GAD1: variants seen among roughly 807,000 people sequenced by gnomAD.
The protein encoded by GAD1 is glutamate decarboxylase 1.
Under a neutral mutation model 75.2 loss-of-function variants are expected in GAD1, and 35 were observed. The observed-to-expected ratio is 0.47, with a 90% CI of 0.36 to 0.62. GAD1 has a LOEUF of 0.62. Among genes scored for constraint, GAD1 ranks in the 20% least tolerant of loss-of-function variants. GAD1 has a pLI of 0.00. For synonymous variants in GAD1, 257 were observed against 271.9 expected (o/e 0.95, Z 0.54); for missense variants, 490 against 758.5 (o/e 0.65, Z 4.16).
In GAD1 at chr2:170,836,987, T is replaced by C. The variant is rs570592495; in HGVS notation, c.638+104T>C. On this transcript the variant is annotated intron_variant, in intron 6 of 16. Transcript: ENST00000358196. ...TTCTATTTTATTAAAGTTTCCCTGG[T>C]CATTTTTTCTCTTAAAATCTTTAGG... The C allele has an allele frequency of 4.1e-4, 317 of 768,758 alleles. 3 individuals are homozygous for C. The highest frequency in any genetic ancestry group is 3.1e-3 in the South Asian group (200 of 65,262). 47.6% of individuals were successfully genotyped at this position (768,758 alleles called of 1,614,324 possible).
intron 14 of GAD1, among the ~76,000 whole-genome samples, chr2:170,855,613 G>A (rs1282297262): frequency 6.6e-6 from 1 of 151,450 alleles, no homozygotes; most frequent in Non-Finnish European, 1.5e-5. Context: ...GGTGGCTCAC[G>A]CATGTAATCC....
chr2:170,851,821 C>T (rs1034764432), intron 12 of GAD1, among the ~76,000 whole-genome samples: 3 of 152,172 alleles, frequency 2.0e-5, no homozygotes, highest in Admixed American at 1.3e-4. Flanking sequence ...CAGAATGATG[C>T]AGTTGCTAGG....
In GAD1 at chr2:170,820,258, C is replaced by T. The variant is rs3791876; in HGVS notation, c.82+1585C>T. Among the ~76,000 whole-genome samples the T allele has an allele frequency of 0.021, 3,253 of 152,198 alleles. 241 individuals carry two copies. In the East Asian group the frequency reaches 0.28, roughly 13 times the overall value. On this transcript the variant is annotated intron_variant, in intron 2 of 16. Transcript: ENST00000358196. ...GGAATTCCCGGTGGCCGCCAGTCGC[C>T]GGCGCAAATGCCAAGTCACCGGTAG...
At chr2:170,828,026 C>G (rs1702064528) in intron 3 of GAD1, among the ~76,000 whole-genome samples, 1 of 151,806 alleles carries the variant, frequency 6.6e-6, no homozygotes, top group African/African-American at 2.4e-5. Flanking sequence ...TTGGACCTCA[C>G]TACTTCTCCT....
intron 2 of GAD1, among the ~76,000 whole-genome samples, chr2:170,820,169 G>A (rs1701829854): frequency 2.0e-5 from 3 of 152,142 alleles, no homozygotes. Flanking sequence ...TTGCCGCCTG[G>A]GGGTGGGGGT....
chr2:170,854,501 C>T (rs1050496174), intron 14 of GAD1, among the ~76,000 whole-genome samples: 1 of 150,212 alleles, frequency 6.7e-6, no homozygotes, highest in East Asian at 2.0e-4. Flanking sequence ...CCCAGGTTCA[C>T]GCCATTCTCC....
At chr2:170,849,518 A>T (rs1047498605) in intron 12 of GAD1, among the ~76,000 whole-genome samples, 168 bp downstream of exon 12, 1 of 152,186 alleles carries the variant, frequency 6.6e-6, no homozygotes, top group African/African-American at 2.4e-5. Context: ...CTGATTTCCC[A>T]GTCAAATGAG....
intron 12 of GAD1, among the ~76,000 whole-genome samples, chr2:170,850,621 C>T (rs943857124): frequency 6.6e-6 from 1 of 152,214 alleles, no homozygotes; most frequent in African/African-American, 2.4e-5. Context: ...CTTTTGTTAC[C>T]TCTACTGTGC....
At chr2:170,832,420 C>A (rs184101763) in intron 5 of GAD1, among the ~76,000 whole-genome samples, 22 of 152,244 alleles carry the variant, frequency 1.4e-4, no homozygotes, top group African/African-American at 4.1e-4. Flanking sequence ...TTTCTCTCTC[C>A]TTATAAGAAT....
chr2:170,859,938 A>T lies in GAD1; in HGVS notation c.*56A>T. 6.6e-7 allele frequency: 1 copy of T among 1,513,502 alleles called. No homozygotes were observed. The highest frequency in any genetic ancestry group is 9.1e-7 in the Non-Finnish European group (1 of 1,094,962). 93.8% of individuals were successfully genotyped at this position (1,513,502 alleles called of 1,614,324 possible). A position where few individuals can be genotyped will look rare whatever the true frequency, so the allele number is the denominator to read the frequency against. ...ATGCCTTTTCCCTCTGGCACTCCAG[A>T]ACAAACCTCTATATGTTGCTGAAAC... On this transcript the variant is annotated 3_prime_UTR_variant, in exon 17 of 17. Transcript: ENST00000358196.
intron 6 of GAD1, chr2:170,842,699 A>C: frequency 1.2e-6 from 2 of 1,611,328 alleles, no homozygotes; most frequent in Non-Finnish European, 1.7e-6. Context: ...CTAAATTTCC[A>C]GGGGCCTCCC....
chr2:170,853,011 G>A lies in GAD1; in HGVS notation c.1263+219G>A, dbSNP rs769393. ...GTGCTTCTTCTTTGATCAGTACTCA[G>A]GGTCTGTCAGCAACTGAACCTTTAA... On this transcript the variant is annotated intron_variant, in intron 13 of 16. Transcript: ENST00000358196. The surrounding 1 kb of genome is among the most constrained non-coding windows in gnomAD (Gnocchi z 4.1). The A allele has an allele frequency of 0.08, 48,944 of 608,614 alleles. 3,100 individuals carry two copies. The highest frequency in any genetic ancestry group is 0.22 in the East Asian group (8,036 of 35,834). The allele number at this position is 608,614 out of a possible 1,614,324, so 37.7% of individuals were successfully genotyped here.
chr2:170,854,191 G>A (rs1702802960), intron 14 of GAD1, among the ~76,000 whole-genome samples, 169 bp downstream of exon 14: 1 of 152,036 alleles, frequency 6.6e-6, no homozygotes, highest in African/African-American at 2.4e-5. Context: ...TATTCCTTAT[G>A]TCAAATTCTC....
intron 12 of GAD1, chr2:170,852,353 T>C (rs765454206): frequency 3.1e-6 from 1 of 325,972 alleles, no homozygotes; most frequent in African/African-American, 2.1e-5. Flanking sequence ...AGTTATATAA[T>C]GTGCCCAAGC....
In GAD1 at chr2:170,832,660, G is replaced by GCACACA. The variant is rs1437651895; in HGVS notation, c.547+1469_547+1470insACACAC. 0.012 allele frequency among the ~76,000 whole-genome samples: 977 copies of GCACACA among 79,422 alleles called. 59 individuals are homozygous for GCACACA. The East Asian group carries it at 0.2, about 16-fold the overall frequency. The allele number at this position is 79,422 out of a possible 152,430, so 52.1% of individuals were successfully genotyped here. ...AAGACACAGGCACACATGCGCGCGCGCGCGCACACACACACACACACACAC... is the reference window on the plus strand; with the variant it reads ...AAGACACAGGCACACATGCGCGCGCGCACACACGCGCACACACACACACACACACAC... On this transcript the variant is annotated intron_variant, in intron 5 of 16. Coordinates refer to ENST00000358196, the MANE Select transcript of GAD1 (RefSeq NM_000817.3).
upstream of GAD1, among the ~76,000 whole-genome samples, chr2:170,815,046 G>T (rs1490038531): frequency 1.3e-5 from 2 of 152,194 alleles, no homozygotes; most frequent in Non-Finnish European, 2.9e-5. Flanking sequence ...TGCCCCGTGC[G>T]TCTTGAATGA....
At position 170,832,660 on chromosome 2, in the gene GAD1, G is replaced by GCACACACACA. The variant is rs1437651895; in HGVS notation, c.547+1469_547+1470insACACACACAC. 3.0e-4 allele frequency among the ~76,000 whole-genome samples: 24 copies of GCACACACACA among 79,470 alleles called. No individual in the cohort carries two copies. The East Asian group carries it at 6.0e-3, about 20-fold the overall frequency. The allele number at this position is 79,470 out of a possible 152,430, so 52.1% of individuals were successfully genotyped here. ...AAGACACAGGCACACATGCGCGCGCGCGCGCACACACACACACACACACAC... is the reference window on the plus strand; with the variant it reads ...AAGACACAGGCACACATGCGCGCGCGCACACACACACGCGCACACACACACACACACACAC... On this transcript the variant is annotated intron_variant, in intron 5 of 16. Transcript: ENST00000358196.
intron 2 of GAD1, among the ~76,000 whole-genome samples, chr2:170,820,942 C>T (rs1201836985): frequency 2.6e-5 from 4 of 152,124 alleles, no homozygotes; most frequent in East Asian, 1.9e-4. Flanking sequence ...GCTCTTTATC[C>T]GCCAGGTATT....
intron 2 of GAD1, 116 bp from the exon 3 acceptor site, chr2:170,821,971 T>A: frequency 1.1e-6 from 1 of 896,390 alleles, no homozygotes; most frequent in Non-Finnish European, 1.8e-6. Flanking sequence ...AAGTAGCTTT[T>A]AATGAAGAGC....
Sources: gnomAD v4.1 joint callset for allele counts (sites outside exome capture counted in the v4.1 genomes callset) on GRCh38, gnomAD v4.1.1 for gene constraint, Gnocchi (gnomAD v3.1) non-coding constraint, MANE v1.5 for transcripts, NCBI Gene and HGNC (gene_info 2026-07-23, HGNC 2026-07-21) for gene names.